Variants in CLSTN2 observed in about 807,000 individuals in gnomAD.
The protein encoded by CLSTN2 is calsyntenin 2.
A neutral mutation model predicts 101.2 loss-of-function variants in CLSTN2; 48 were observed. The ratio of observed to expected loss-of-function variants is 0.47; its 90% CI spans 0.38 to 0.60. The LOEUF (loss-of-function observed/expected upper bound fraction) is 0.60. Among genes scored for constraint, CLSTN2 ranks in the 20% least tolerant of loss-of-function variants. The probability of loss-of-function intolerance (pLI) is 0.00; values close to 1 mark genes in which losing one functional copy is unlikely to be tolerated. For missense variants in CLSTN2, 1,160 were observed against 1,238.2 expected, an observed-to-expected ratio of 0.94 and a Z score of 0.95; for synonymous variants, 481 against 463.6, an observed-to-expected ratio of 1.04 and a Z score of -0.48.
At chr3:140,458,584 C>A (rs1360170155) in intron 6 of CLSTN2, among the ~76,000 whole-genome samples, 6 of 151,998 alleles carry the variant, frequency 3.9e-5, no homozygotes, top group Non-Finnish European at 5.9e-5. Context: ...CACCTCAGCA[C>A]CCCCCTCCAC....
rs1398794724 is a variant in CLSTN2, at chr3:140,575,900, A to G, written c.*9647A>G. 1 of 152,198 alleles carries G rather than the reference A, an allele frequency of 6.6e-6. No homozygotes were observed. The highest frequency in any genetic ancestry group is 1.9e-4 in the East Asian group (1 of 5,202). 9.4% of individuals were successfully genotyped at this position (152,198 alleles called of 1,614,324 possible). A position where few individuals can be genotyped will look rare whatever the true frequency, so the allele number is the denominator to read the frequency against. ...CAGAAGTAAGAATAAAGTCATAAGTACCAGCATATTTTAAATCCTTAGAAG... is the reference window on the plus strand; with the variant it reads ...CAGAAGTAAGAATAAAGTCATAAGTGCCAGCATATTTTAAATCCTTAGAAG... On this transcript the variant is annotated 3_prime_UTR_variant, in exon 17 of 17. Transcript: ENST00000458420.
In CLSTN2 at chr3:140,321,771, T is replaced by C. The variant is rs186525971; in HGVS notation, c.233-81858T>C. ...CCCCAGAGTTTATCAGATTGTCCTC[T>C]CTGAAAAAAGTTCTTGGGAATACGC... is the stretch of plus-strand genomic sequence containing the variant. On this transcript the variant is annotated intron_variant, in intron 2 of 16. Transcript: ENST00000458420. Among the ~76,000 whole-genome samples, 440 of 152,268 alleles carry C rather than the reference T, an allele frequency of 2.9e-3. 3 individuals carry two copies. Among genetic ancestry groups the C allele is most frequent in the South Asian group, 6.8e-3 (33 of 4,830 alleles).
intron 4 of CLSTN2, among the ~76,000 whole-genome samples, chr3:140,418,092 G>A (rs1300931734): frequency 1.3e-5 from 2 of 152,058 alleles, no homozygotes; most frequent in African/African-American, 2.4e-5. Context: ...TGTAAGAGGA[G>A]TATCTTTTGA....
intron 1 of CLSTN2, among the ~76,000 whole-genome samples, chr3:139,953,020 G>A (rs550926433): frequency 8.2e-4 from 125 of 152,186 alleles, no homozygotes; most frequent in Non-Finnish European, 4.0e-4. Context: ...CTACCCCACT[G>A]TGCTGAACTG....
At chr3:140,078,772 C>T (rs1420283218) in intron 1 of CLSTN2, among the ~76,000 whole-genome samples, 1 of 152,086 alleles carries the variant, frequency 6.6e-6, no homozygotes, top group East Asian at 1.9e-4. Flanking sequence ...TCTGGGATGG[C>T]TTTTATTGAA....
chr3:140,013,129 G>A (rs2007122137), intron 1 of CLSTN2, among the ~76,000 whole-genome samples: 1 of 152,250 alleles, frequency 6.6e-6, no homozygotes, highest in Non-Finnish European at 1.5e-5. Flanking sequence ...CATCCACCAA[G>A]GAGGATGTGG....
chr3:139,962,338 T>G (rs763106199), intron 1 of CLSTN2, among the ~76,000 whole-genome samples: 15 of 152,264 alleles, frequency 9.9e-5, no homozygotes, highest in Admixed American at 2.6e-4. Context: ...TTTTGACGTA[T>G]GTATATACCC....
chr3:140,475,685 T>A (rs1023744687), intron 8 of CLSTN2, among the ~76,000 whole-genome samples: 1 of 152,308 alleles, frequency 6.6e-6, no homozygotes, highest in East Asian at 1.9e-4. Context: ...CTCCCCTTTT[T>A]CTGGCAAGCT....
chr3:140,426,125 T>G (rs67423331), intron 5 of CLSTN2, among the ~76,000 whole-genome samples: 12,923 of 152,220 alleles, frequency 0.085, 868 homozygotes, highest in African/African-American at 0.19. Context: ...CTTTTTAAAG[T>G]TTAATTTAAT....
At chr3:140,365,876 C>A (rs570910571) in intron 2 of CLSTN2, among the ~76,000 whole-genome samples, 1 of 152,318 alleles carries the variant, frequency 6.6e-6, no homozygotes, top group African/African-American at 2.4e-5. Flanking sequence ...AATCGAGGAA[C>A]AACCCCACAC....
At chr3:140,408,621 C>A (rs1004960596) in intron 4 of CLSTN2, among the ~76,000 whole-genome samples, 1 of 152,180 alleles carries the variant, frequency 6.6e-6, no homozygotes, top group Non-Finnish European at 1.5e-5. Context: ...CTGAGGACCC[C>A]ACAGTTTTTC....
intron 8 of CLSTN2, among the ~76,000 whole-genome samples, chr3:140,519,748 T>C (rs550388455): frequency 6.6e-6 from 1 of 152,182 alleles, no homozygotes; most frequent in Non-Finnish European, 1.5e-5. Context: ...TACTGATGGG[T>C]CTTGGCTCTT....
chr3:139,958,728 A>G (rs79066894), intron 1 of CLSTN2, among the ~76,000 whole-genome samples: 3,600 of 151,688 alleles, frequency 0.024, 133 homozygotes, highest in African/African-American at 0.083. Flanking sequence ...CATGTCTGGA[A>G]CAATAGATAG....
intron 1 of CLSTN2, among the ~76,000 whole-genome samples, chr3:139,968,005 ATG>A (rs913305692): frequency 2.0e-5 from 3 of 151,866 alleles, no homozygotes; most frequent in African/African-American, 7.3e-5. Flanking sequence ...GTGTGTGTGC[ATG>A]TGTGTGTGTA....
At chr3:140,357,813 T>C (rs1051938582) in intron 2 of CLSTN2, among the ~76,000 whole-genome samples, 2 of 152,156 alleles carry the variant, frequency 1.3e-5, no homozygotes, top group Non-Finnish European at 2.9e-5. Context: ...GGGTCACCAA[T>C]ATGTTCTAGT....
At chr3:140,269,861 CCT>C (rs1255207372) in intron 2 of CLSTN2, among the ~76,000 whole-genome samples, 1 of 152,172 alleles carries the variant, frequency 6.6e-6, no homozygotes, top group Non-Finnish European at 1.5e-5. Flanking sequence ...AGTTGTATAA[CCT>C]CTCTGAAGCT....
chr3:140,085,365 C>T (rs924584654), intron 1 of CLSTN2, among the ~76,000 whole-genome samples: 5 of 152,276 alleles, frequency 3.3e-5, no homozygotes, highest in Middle Eastern at 3.4e-3. Flanking sequence ...CCTTTAGACC[C>T]GCTTACTTTC....
chr3:140,369,827 G>A (rs2087831405), intron 2 of CLSTN2, among the ~76,000 whole-genome samples: 1 of 152,184 alleles, frequency 6.6e-6, no homozygotes, highest in African/African-American at 2.4e-5. Flanking sequence ...TCTATAGATG[G>A]ACACACATGG....
At chr3:139,938,485 T>C (rs1474292869) in intron 1 of CLSTN2, among the ~76,000 whole-genome samples, 3 of 152,192 alleles carry the variant, frequency 2.0e-5, no homozygotes, top group Non-Finnish European at 4.4e-5. Context: ...ATTTCAGAAA[T>C]CACACAGTGG....
Sources: allele counts gnomAD v4.1 joint callset (sites outside exome capture counted in the v4.1 genomes callset), GRCh38; gene constraint gnomAD v4.1.1; transcripts MANE v1.5; gene names NCBI Gene and HGNC (gene_info 2026-07-23, HGNC 2026-07-21).